ABCC9: variants seen among roughly 807,000 people sequenced by gnomAD.
ABCC9 encodes the protein ATP-binding cassette sub-family C member 9.
ABCC9 carries 95 observed loss-of-function variants against 188.3 expected under a neutral mutation model. That is an observed-to-expected ratio of 0.50 (90% confidence interval 0.43 to 0.60). The LOEUF is 0.60. Ranked by LOEUF, ABCC9 falls within the 20% of genes least tolerant of loss-of-function variation. The pLI, the probability that ABCC9 is intolerant of heterozygous loss-of-function variation, is 0.00. For missense variants in ABCC9, 1,102 were observed against 1,876.3 expected (o/e 0.59, Z 7.62); for synonymous variants, 659 against 652.7 (o/e 1.01, Z -0.15).
chr12:21,803,804 G>T (rs1488288184), intron 39 of ABCC9, among the ~76,000 whole-genome samples: 1 of 152,098 alleles, frequency 6.6e-6, no homozygotes, highest in East Asian at 1.9e-4. Context: ...ATATTCCAGA[G>T]AAATTAATCG....
intron 39 of ABCC9, among the ~76,000 whole-genome samples, chr12:21,802,838 T>C (rs1373340429): frequency 6.6e-6 from 1 of 152,142 alleles, no homozygotes; most frequent in Non-Finnish European, 1.5e-5. Flanking sequence ...GCCTACATTC[T>C]GCCCTGGGCC....
At chr12:21,854,221 T>C (rs1945112871) in intron 22 of ABCC9, among the ~76,000 whole-genome samples, 1 of 152,244 alleles carries the variant, frequency 6.6e-6, no homozygotes, top group Non-Finnish European at 1.5e-5. Flanking sequence ...GAAGTTAGAA[T>C]AAATTTATGT....
chr12:21,935,059 A>G (rs930748412), intron 3 of ABCC9, among the ~76,000 whole-genome samples: 1 of 151,922 alleles, frequency 6.6e-6, no homozygotes, highest in Non-Finnish European at 1.5e-5. Context: ...AAAAGTCTGA[A>G]TTTTTTCTAT....
At chr12:21,871,346 G>A (rs1423947569) in intron 18 of ABCC9, among the ~76,000 whole-genome samples, 1 of 152,114 alleles carries the variant, frequency 6.6e-6, no homozygotes, top group Non-Finnish European at 1.5e-5. Flanking sequence ...TCTCTGCTGG[G>A]TATGCGCTAA....
At chr12:21,821,009 A>G (rs1299224565) in intron 31 of ABCC9, among the ~76,000 whole-genome samples, 1 of 152,192 alleles carries the variant, frequency 6.6e-6, no homozygotes, top group Non-Finnish European at 1.5e-5. Context: ...TGCTAAATAC[A>G]TTGATTGTAA....
intron 28 of ABCC9, 82 bp from the exon 29 acceptor site, chr12:21,842,553 T>A: frequency 7.1e-7 from 1 of 1,417,328 alleles, no homozygotes; most frequent in Non-Finnish European, 1.0e-6. Flanking sequence ...TATTTTTATG[T>A]TGATAGTTAC....
chr12:21,862,656 A>G (rs1945579586), intron 20 of ABCC9, among the ~76,000 whole-genome samples: 1 of 151,960 alleles, frequency 6.6e-6, no homozygotes, highest in South Asian at 2.1e-4. Context: ...CTCACCAACA[A>G]CCTAAGCAAC....
At chr12:21,874,246 T>C (rs1020973243) in intron 17 of ABCC9, among the ~76,000 whole-genome samples, 2 of 152,086 alleles carry the variant, frequency 1.3e-5, no homozygotes, top group African/African-American at 4.8e-5. Flanking sequence ...ACCAGGTATA[T>C]ATAAAATGGC....
At chr12:21,840,806 G>C (rs1944341030) in intron 29 of ABCC9, among the ~76,000 whole-genome samples, 1 of 152,180 alleles carries the variant, frequency 6.6e-6, no homozygotes, top group African/African-American at 2.4e-5. Flanking sequence ...ACATTTAAAG[G>C]ATCCTAATTC....
intron 29 of ABCC9, among the ~76,000 whole-genome samples, chr12:21,841,059 A>G (rs1944359379): frequency 6.6e-6 from 1 of 152,204 alleles, no homozygotes. Flanking sequence ...GAGACTATAC[A>G]TTTCTTGAGA....
rs374727138 is a variant in ABCC9 at position 21,900,354 on chromosome 12, G to T, written c.1619-5039C>A. On this transcript the variant is annotated intron_variant, in intron 12 of 39. Transcript: ENST00000261200. ...CAAAGGTAGATAAAACCACAAAGAT[G>T]GGGAAAAAAACAGAGCAGAAAAACT... 1.7e-4 allele frequency among the ~76,000 whole-genome samples: 26 copies of T among 152,138 alleles called. No individual in the cohort carries two copies. In the East Asian group the frequency reaches 3.7e-3, roughly 21 times the overall value.
chr12:21,840,714 A>C lies in ABCC9; in HGVS notation c.3473+1600T>G, dbSNP rs572986742. On this transcript the variant is annotated intron_variant, in intron 29 of 39. Transcript: ENST00000261200. ...GAAAAGAAATGTGAAGTTGATTACTAGCTTCTCCATTTTGATCAGAATTTG... is the reference window on the plus strand; with the variant it reads ...GAAAAGAAATGTGAAGTTGATTACTCGCTTCTCCATTTTGATCAGAATTTG... Among the ~76,000 whole-genome samples, 3 of 152,360 alleles carry C rather than the reference A, an allele frequency of 2.0e-5. No individual in the cohort carries two copies. The East Asian group carries it at 5.8e-4, about 29-fold the overall frequency.
At chr12:21,930,700 A>C (rs1038777649) in intron 4 of ABCC9, among the ~76,000 whole-genome samples, 4 of 152,194 alleles carry the variant, frequency 2.6e-5, no homozygotes, top group African/African-American at 4.8e-5. Flanking sequence ...CAAAACTTAG[A>C]AGCAATCCAG....
At chr12:21,807,547 A>AT (rs1330222041) in intron 37 of ABCC9, 68 bp from the exon 38 acceptor site, 36 of 1,601,554 alleles carry the variant, frequency 2.2e-5, no homozygotes, top group Non-Finnish European at 2.9e-5. Context: ...GGACAAAATC[A>AT]TGAAAAACAC....
intron 31 of ABCC9, among the ~76,000 whole-genome samples, chr12:21,825,927 G>A (rs1440031277): frequency 1.3e-5 from 2 of 152,072 alleles, no homozygotes; most frequent in African/African-American, 4.8e-5. Context: ...GCTTTGGAAA[G>A]TTAAAACTAG....
chr12:21,875,259 AATAC>A (rs1276435386), intron 17 of ABCC9, among the ~76,000 whole-genome samples: 1 of 152,188 alleles, frequency 6.6e-6, no homozygotes, highest in Non-Finnish European at 1.5e-5. Context: ...AAAAATATTA[AATAC>A]ATATAATTAT....
At chr12:21,895,564 A>C (rs1188086816) in intron 12 of ABCC9, among the ~76,000 whole-genome samples, 1 of 152,206 alleles carries the variant, frequency 6.6e-6, no homozygotes, top group African/African-American at 2.4e-5. Context: ...ATGAAATGTT[A>C]CAAACAAAAG....
At chr12:21,837,277 T>C (rs2137332493) in intron 30 of ABCC9, among the ~76,000 whole-genome samples, 1 of 152,298 alleles carries the variant, frequency 6.6e-6, no homozygotes, top group South Asian at 2.1e-4. Flanking sequence ...GCCGCCTACA[T>C]AGATTATGTA....
chr12:21,897,950 A>T (rs988670724), intron 12 of ABCC9, among the ~76,000 whole-genome samples: 1 of 152,172 alleles, frequency 6.6e-6, no homozygotes, highest in African/African-American at 2.4e-5. Flanking sequence ...GATTTGAAAG[A>T]AGTTCAGGTT....
Sources: gnomAD v4.1 joint callset for allele counts (sites outside exome capture counted in the v4.1 genomes callset) on GRCh38, gnomAD v4.1.1 for gene constraint, MANE v1.5 for transcripts, NCBI Gene and HGNC (gene_info 2026-07-23, HGNC 2026-07-21) for gene names.